CPQ: variants seen among roughly 807,000 people sequenced by gnomAD.
The protein encoded by CPQ is carboxypeptidase Q.
In CPQ, 37 loss-of-function variants were observed where a neutral mutation model predicts 45.7. The ratio of observed to expected loss-of-function variants is 0.81; its 90% CI spans 0.62 to 1.07. The LOEUF (loss-of-function observed/expected upper bound fraction) is 1.07, where lower values mean the gene tolerates loss of function less well. Among genes scored for constraint, CPQ ranks in the 50% least tolerant of loss-of-function variants. The pLI is 0.00. For synonymous variants in CPQ, 186 were observed against 205.8 expected, an observed-to-expected ratio of 0.90 and a Z score of 0.82; for missense variants, 537 against 572.9, an observed-to-expected ratio of 0.94 and a Z score of 0.64.
rs531045512 is a variant in CPQ at position 97,097,051 on chromosome 8, G to A, written c.1255+30841G>A. Among the ~76,000 whole-genome samples, 12 of 152,238 alleles carry A rather than the reference G, an allele frequency of 7.9e-5. No individual in the cohort carries two copies. The East Asian group carries it at 1.2e-3, about 15-fold the overall frequency. ...TTCTATTCTTGAAAAGGTTTCCAGC[G>A]TCCTTTTCCAAAACTATAGAGTTGT... is the stretch of plus-strand genomic sequence containing the variant. On this transcript the variant is annotated intron_variant, in intron 7 of 7. Transcript: ENST00000220763.
At chr8:97,064,687 A>G (rs187709459) in intron 6 of CPQ, among the ~76,000 whole-genome samples, 4 of 152,278 alleles carry the variant, frequency 2.6e-5, no homozygotes, top group East Asian at 3.9e-4. Flanking sequence ...TATAACTACA[A>G]TATACTTCCA....
chr8:96,743,389 CA>C (rs1810124698), intron 1 of CPQ, among the ~76,000 whole-genome samples: 1 of 151,798 alleles, frequency 6.6e-6, no homozygotes, highest in South Asian at 2.1e-4. Context: ...AAATTTTTTT[CA>C]AAGTTTTCAA....
Position 97,117,992 on chromosome 8 carries a change from T to C in CPQ, c.1256-25028T>C, listed in dbSNP as rs545378706. On this transcript the variant is annotated intron_variant, in intron 7 of 7. Transcript: ENST00000220763. ...GATAATTAAGTTCTATGGTTGAAGA[T>C]GTTATCTTCAGGCTGCATTAAAGAA... Among the ~76,000 whole-genome samples the C allele has an allele frequency of 2.8e-4, 43 of 152,312 alleles. 1 individual carries two copies. The highest frequency in any genetic ancestry group is 1.0e-3 in the African/African-American group (42 of 41,580).
chr8:96,689,244 A>G (rs1257441947), intron 1 of CPQ, among the ~76,000 whole-genome samples: 1 of 152,160 alleles, frequency 6.6e-6, no homozygotes, highest in Non-Finnish European at 1.5e-5. Context: ...GCAGAAAAGG[A>G]TAAATTTGTG....
Position 97,044,789 on chromosome 8 carries a change from C to T in CPQ, c.1053+15295C>T, listed in dbSNP as rs562529223. 1.7e-3 allele frequency among the ~76,000 whole-genome samples: 252 copies of T among 152,346 alleles called. 3 individuals are homozygous for T. The highest frequency in any genetic ancestry group is 0.013 in the Admixed American group (195 of 15,308). On this transcript the variant is annotated intron_variant, in intron 6 of 7. Transcript: ENST00000220763. ...GCCTGGGTATCAGCAGCGGTGGCTG[C>T]AGAACAGCGGATTTTCGTGAACTGC...
chr8:96,936,500 A>C (rs1813052577), intron 4 of CPQ, among the ~76,000 whole-genome samples: 1 of 152,192 alleles, frequency 6.6e-6, no homozygotes, highest in South Asian at 2.1e-4. Context: ...ATTAATTTTT[A>C]TTACTTTGGC....
intron 3 of CPQ, among the ~76,000 whole-genome samples, chr8:96,856,798 T>G (rs1339154492): frequency 1.3e-5 from 2 of 152,228 alleles, no homozygotes; most frequent in African/African-American, 2.4e-5. Context: ...AGAGAGTGGT[T>G]AAGGAAAAAC....
At chr8:97,027,762 A>G (rs888687052) in intron 5 of CPQ, among the ~76,000 whole-genome samples, 1 of 152,224 alleles carries the variant, frequency 6.6e-6, no homozygotes, top group Non-Finnish European at 1.5e-5. Context: ...TTGGGCACCT[A>G]ATGTGTGTCA....
intron 3 of CPQ, among the ~76,000 whole-genome samples, chr8:96,848,759 A>T (rs114834119): frequency 0.026 from 3,966 of 152,220 alleles, 123 homozygotes; most frequent in African/African-American, 0.074. Context: ...AGGACATTTT[A>T]TGTTTTTGTA....
chr8:97,123,139 A>AAAAT lies in CPQ; in HGVS notation c.1256-19877_1256-19874dup, dbSNP rs1302517431. On this transcript the variant is annotated intron_variant, in intron 7 of 7. Transcript: ENST00000220763. The stretch of plus-strand genomic sequence containing the variant: ...TAAAATAAAATAAATAAAATAAAAT[A>AAAAT]AAATAAAATAAATAAAATAAAATAA... Among the ~76,000 whole-genome samples, 162 of 106,748 alleles carry AAAAT rather than the reference A, an allele frequency of 1.5e-3. 11 individuals are homozygous for AAAAT. The highest frequency in any genetic ancestry group is 4.0e-3 in the African/African-American group (104 of 26,212). The allele number at this position is 106,748 out of a possible 152,430, so 70.0% of individuals were successfully genotyped here.
At chr8:97,012,296 T>C (rs1309736459) in intron 5 of CPQ, among the ~76,000 whole-genome samples, 1 of 152,236 alleles carries the variant, frequency 6.6e-6, no homozygotes, top group Non-Finnish European at 1.5e-5. Context: ...TTTAGTTTCT[T>C]CTTTTATGAA....
At chr8:96,946,017 A>G (rs968409914) in intron 4 of CPQ, among the ~76,000 whole-genome samples, 1 of 152,200 alleles carries the variant, frequency 6.6e-6, no homozygotes, top group African/African-American at 2.4e-5. Context: ...CCTGTTGATG[A>G]TACCAGCATC....
At chr8:96,648,448 A>G (rs971824571) in intron 1 of CPQ, among the ~76,000 whole-genome samples, 1 of 152,184 alleles carries the variant, frequency 6.6e-6, no homozygotes, top group Non-Finnish European at 1.5e-5. Flanking sequence ...CAGTCACATT[A>G]TTAGTTCTTT....
At chr8:97,075,394 T>C (rs1810828099) in intron 7 of CPQ, among the ~76,000 whole-genome samples, 1 of 152,210 alleles carries the variant, frequency 6.6e-6, no homozygotes, top group South Asian at 2.1e-4. Flanking sequence ...AGTTCTCTAA[T>C]TTATTTCTTA....
intron 7 of CPQ, among the ~76,000 whole-genome samples, chr8:97,069,573 T>C (rs991186189): frequency 2.6e-5 from 4 of 151,626 alleles, no homozygotes; most frequent in Non-Finnish European, 5.9e-5. Context: ...AAAGTAAAAA[T>C]ATATCAGTTG....
intron 4 of CPQ, among the ~76,000 whole-genome samples, chr8:96,928,592 T>G (rs1812923798): frequency 6.6e-6 from 1 of 152,074 alleles, no homozygotes; most frequent in African/African-American, 2.4e-5. Context: ...GCAAACACAG[T>G]TAAGCAGTTT....
chr8:97,083,022 A>G (rs372475083), intron 7 of CPQ, among the ~76,000 whole-genome samples: 1 of 152,206 alleles, frequency 6.6e-6, no homozygotes, highest in African/African-American at 2.4e-5. Context: ...AAGTGTCATG[A>G]AAGAGCAACA....
At chr8:97,078,155 C>T (rs1341778882) in intron 7 of CPQ, among the ~76,000 whole-genome samples, 2 of 152,130 alleles carry the variant, frequency 1.3e-5, no homozygotes, top group East Asian at 3.8e-4. Flanking sequence ...CCAATTGAAA[C>T]ATCTTTAAAC....
intron 7 of CPQ, among the ~76,000 whole-genome samples, chr8:97,114,496 CAGTATTT>C (rs892337493): frequency 2.6e-5 from 4 of 152,170 alleles, no homozygotes; most frequent in African/African-American, 9.7e-5. Flanking sequence ...AGTAGGTGTT[CAGTATTT>C]TTTTATTTTC....
Sources: gnomAD v4.1 joint callset for allele counts (sites outside exome capture counted in the v4.1 genomes callset) on GRCh38, gnomAD v4.1.1 for gene constraint, MANE v1.5 for transcripts, NCBI Gene and HGNC (gene_info 2026-07-23, HGNC 2026-07-21) for gene names.